Variants in KCNH7 observed in about 807,000 individuals in gnomAD.
KCNH7 encodes voltage-gated inwardly rectifying potassium channel KCNH7.
A neutral mutation model predicts 120.8 loss-of-function variants in KCNH7; 49 were observed. The observed-to-expected ratio is 0.41, with a 90% CI of 0.32 to 0.51. The LOEUF is 0.51. Among genes scored for constraint, KCNH7 ranks in the 20% least tolerant of loss-of-function variants. The pLI is 0.38. For missense variants in KCNH7, 1,097 were observed against 1,446.6 expected, an observed-to-expected ratio of 0.76 and a Z score of 3.92; for synonymous variants, 547 against 516.1, an observed-to-expected ratio of 1.06 and a Z score of -0.81.
At chr2:162,557,408 A>G (rs569511300) in intron 2 of KCNH7, among the ~76,000 whole-genome samples, 1 of 152,212 alleles carries the variant, frequency 6.6e-6, no homozygotes, top group African/African-American at 2.4e-5. Context: ...CCAGCACAGC[A>G]TCACTTCTTC....
At position 162,805,185 on chromosome 2, in the gene KCNH7, A is replaced by T. The variant is rs181455359; in HGVS notation, c.307+31352T>A. On this transcript the variant is annotated intron_variant, in intron 2 of 15. Transcript: ENST00000332142. Reference sequence around the variant, plus strand: ...GGACACTGACCTAGGCAAAGAAATCATGACTAAAGCCCCAAAAGCAAATGC... The same window carrying T: ...GGACACTGACCTAGGCAAAGAAATCTTGACTAAAGCCCCAAAAGCAAATGC... Among the ~76,000 whole-genome samples the T allele has an allele frequency of 1.8e-3, 273 of 152,164 alleles. 2 individuals are homozygous for T. Among genetic ancestry groups the T allele is most frequent in the African/African-American group, 6.1e-3 (255 of 41,546 alleles).
intron 2 of KCNH7, among the ~76,000 whole-genome samples, chr2:162,798,532 C>G (rs1269724143): frequency 1.3e-5 from 2 of 151,854 alleles, no homozygotes; most frequent in Non-Finnish European, 1.5e-5. Context: ...CTTTGTTTTC[C>G]TAATCCAAGA....
chr2:162,773,175 A>G (rs1432626207), intron 2 of KCNH7, among the ~76,000 whole-genome samples: 1 of 152,204 alleles, frequency 6.6e-6, no homozygotes, highest in Admixed American at 6.5e-5. Context: ...AATGATAGAC[A>G]TAATCTGTCC....
chr2:162,566,979 A>T (rs1377713155), intron 2 of KCNH7, among the ~76,000 whole-genome samples: 1 of 152,020 alleles, frequency 6.6e-6, no homozygotes, highest in East Asian at 1.9e-4. Flanking sequence ...AATACATGAC[A>T]ACAGTGCAAT....
chr2:162,507,374 A>G (rs929462931), intron 5 of KCNH7, among the ~76,000 whole-genome samples: 1 of 151,676 alleles, frequency 6.6e-6, no homozygotes, highest in Non-Finnish European at 1.5e-5. Context: ...ATATCTTCCT[A>G]TGTATGTAAA....
At chr2:162,773,775 C>A (rs1683144827) in intron 2 of KCNH7, among the ~76,000 whole-genome samples, 1 of 152,096 alleles carries the variant, frequency 6.6e-6, no homozygotes, top group Non-Finnish European at 1.5e-5. Flanking sequence ...TTAGGATAAA[C>A]CTTTTCTGAG....
intron 2 of KCNH7, among the ~76,000 whole-genome samples, chr2:162,561,068 T>C (rs1158044400): frequency 6.6e-6 from 1 of 151,538 alleles, no homozygotes; most frequent in Non-Finnish European, 1.5e-5. Context: ...TTTTTTTTAC[T>C]ATCTGGAAAT....
chr2:162,695,130 A>G lies in KCNH7; in HGVS notation c.307+141407T>C, dbSNP rs73974043. 5.1e-3 allele frequency among the ~76,000 whole-genome samples: 781 copies of G among 152,268 alleles called. 9 individuals carry two copies. The highest frequency in any genetic ancestry group is 0.018 in the African/African-American group (744 of 41,562). ...AGTGGAGAAGATTTTTACTAAATCT[A>G]GCTATTCTTATTTTGCAGTGGTTTT... On this transcript the variant is annotated intron_variant, in intron 2 of 15. Coordinates refer to ENST00000332142, the MANE Select transcript of KCNH7 (RefSeq NM_033272.4).
intron 2 of KCNH7, among the ~76,000 whole-genome samples, chr2:162,821,041 T>C (rs1685102767): frequency 6.6e-6 from 1 of 152,134 alleles, no homozygotes; most frequent in African/African-American, 2.4e-5. Context: ...TTACACACAA[T>C]ACAAGGCTAA....
intron 2 of KCNH7, among the ~76,000 whole-genome samples, chr2:162,779,181 T>TA (rs386391678): frequency 1.3e-5 from 2 of 151,642 alleles, no homozygotes; most frequent in Admixed American, 6.6e-5. Flanking sequence ...CAGTCTTAAT[T>TA]TTTTTTGTTT....
At chr2:162,818,065 T>C (rs1325149373) in intron 2 of KCNH7, among the ~76,000 whole-genome samples, 2 of 152,008 alleles carry the variant, frequency 1.3e-5, no homozygotes, top group Non-Finnish European at 2.9e-5. Context: ...ATATATACAG[T>C]TTTTATTTTC....
intron 8 of KCNH7, among the ~76,000 whole-genome samples, chr2:162,424,911 G>A (rs2105494448): frequency 6.6e-6 from 1 of 152,260 alleles, no homozygotes; most frequent in African/African-American, 2.4e-5. Context: ...CAGTGTGCCT[G>A]GATATTTGGT....
intron 2 of KCNH7, among the ~76,000 whole-genome samples, chr2:162,752,903 A>AAAAAAGAAAGAAAAGAAAAGAAAAG (rs1688612139): frequency 3.1e-5 from 1 of 32,026 alleles, no homozygotes; most frequent in Non-Finnish European, 2.8e-4. Context: ...TACATCTCAG[A>AAAAAAGAAAGAAAAGAAAAGAAAAG]AAAAGAAAAG....
intron 2 of KCNH7, among the ~76,000 whole-genome samples, chr2:162,619,460 TA>T (rs80342672): frequency 0.59 from 87,091 of 147,216 alleles, 25,937 homozygotes; most frequent in East Asian, 0.7. Context: ...ACTCAATTGT[TA>T]AAAAAAAAAA....
At chr2:162,729,014 CA>C (rs1687625508) in intron 2 of KCNH7, among the ~76,000 whole-genome samples, 1 of 151,394 alleles carries the variant, frequency 6.6e-6, no homozygotes, top group Non-Finnish European at 1.5e-5. Flanking sequence ...TTTTTTTAAA[CA>C]AAGATATGTA....
At chr2:162,444,754 A>G (rs1688528181) in intron 7 of KCNH7, among the ~76,000 whole-genome samples, 1 of 152,180 alleles carries the variant, frequency 6.6e-6, no homozygotes, top group Non-Finnish European at 1.5e-5. Context: ...ACCACCCATT[A>G]TAAGAAACTC....
At chr2:162,520,589 C>G (rs1691486062) in intron 3 of KCNH7, among the ~76,000 whole-genome samples, 1 of 151,506 alleles carries the variant, frequency 6.6e-6, no homozygotes, top group African/African-American at 2.4e-5. Flanking sequence ...GCAAGAACCC[C>G]CATCTCTATA....
chr2:162,473,232 T>TAACAATA (rs1689625211), intron 6 of KCNH7, among the ~76,000 whole-genome samples: 1 of 147,064 alleles, frequency 6.8e-6, no homozygotes, highest in East Asian at 2.0e-4. Context: ...TAAAAATAAA[T>TAACAATA]AAAAATAAAA....
intron 2 of KCNH7, among the ~76,000 whole-genome samples, chr2:162,705,173 T>C (rs1686653945): frequency 6.6e-6 from 1 of 152,162 alleles, no homozygotes; most frequent in South Asian, 2.1e-4. Context: ...AAAAATGATA[T>C]ATAATGTATA....
Sources: gnomAD v4.1 joint callset for allele counts (sites outside exome capture counted in the v4.1 genomes callset) on GRCh38, gnomAD v4.1.1 for gene constraint, MANE v1.5 for transcripts, NCBI Gene and HGNC (gene_info 2026-07-23, HGNC 2026-07-21) for gene names.